Variants in EFNA5 observed in about 807,000 individuals in gnomAD.
EFNA5 encodes ephrin A5, also known as ephrin-A5.
EFNA5 carries 5 observed loss-of-function variants against 22.9 expected under a neutral mutation model. That is an observed-to-expected ratio of 0.22 (90% CI 0.11 to 0.46). The LOEUF (loss-of-function observed/expected upper bound fraction) is 0.46. Among genes scored for constraint, EFNA5 ranks in the 20% least tolerant of loss-of-function variants. EFNA5 has a pLI of 0.99. For missense variants in EFNA5, 237 were observed against 293.3 expected (o/e 0.81, Z 1.40); for synonymous variants, 113 against 112.2 (o/e 1.01, Z -0.04).
rs535003410 is a variant in EFNA5 at position 107,644,578 on chromosome 5, T to C, written c.125+25911A>G. Among the ~76,000 whole-genome samples the C allele has an allele frequency of 4.6e-5, 7 of 152,352 alleles. No individual in the cohort carries two copies. The South Asian group carries it at 1.2e-3, about 27-fold the overall frequency. On this transcript the variant is annotated intron_variant, in intron 1 of 4. Coordinates refer to ENST00000333274, the MANE Select transcript of EFNA5 (RefSeq NM_001962.3). ...TTTTCATGAATAACTGTTTATTTTG[T>C]CATCAAAAAATCTTTGTTAATTACC...
chr5:107,578,486 A>T (rs554772753), intron 1 of EFNA5, among the ~76,000 whole-genome samples: 43 of 152,204 alleles, frequency 2.8e-4, no homozygotes, highest in Non-Finnish European at 5.3e-4. Flanking sequence ...TAATCAGTAG[A>T]GGAAAAAAAG....
At chr5:107,648,015 T>C (rs1750661107) in intron 1 of EFNA5, among the ~76,000 whole-genome samples, 1 of 152,210 alleles carries the variant, frequency 6.6e-6, no homozygotes. Context: ...TCTATTTCTA[T>C]ACTTACCATC....
intron 1 of EFNA5, among the ~76,000 whole-genome samples, chr5:107,587,283 A>T (rs945616809): frequency 1.3e-5 from 2 of 152,124 alleles, no homozygotes; most frequent in African/African-American, 2.4e-5. Flanking sequence ...AGAAGTAGTA[A>T]AAGTGGAAGC....
intron 1 of EFNA5, among the ~76,000 whole-genome samples, chr5:107,557,268 CGAGAGAGGGAAG>C (rs1748442136): frequency 1.3e-5 from 2 of 150,576 alleles, no homozygotes; most frequent in Admixed American, 6.6e-5. Context: ...TGAGAAGGGG[CGAGAGAGGGAAG>C]CCTGGAGGTC....
At chr5:107,550,452 G>A (rs1035333799) in intron 1 of EFNA5, among the ~76,000 whole-genome samples, 3 of 152,040 alleles carry the variant, frequency 2.0e-5, no homozygotes, top group South Asian at 2.1e-4. Flanking sequence ...ATGATTATGC[G>A]CTTACCACCT....
chr5:107,477,648 G>A (rs1750348479), intron 1 of EFNA5, among the ~76,000 whole-genome samples: 1 of 152,022 alleles, frequency 6.6e-6, no homozygotes, highest in South Asian at 2.1e-4. Flanking sequence ...TAATAACTAA[G>A]CCACAGGTGA....
At chr5:107,460,515 T>C (rs1004373413) in intron 1 of EFNA5, among the ~76,000 whole-genome samples, 3 of 152,192 alleles carry the variant, frequency 2.0e-5, no homozygotes, top group African/African-American at 7.2e-5. Context: ...GTGTAGCTGA[T>C]TTATCGAAAA....
At chr5:107,551,211 G>C (rs754648992) in intron 1 of EFNA5, among the ~76,000 whole-genome samples, 2 of 152,174 alleles carry the variant, frequency 1.3e-5, no homozygotes, top group Non-Finnish European at 2.9e-5. Context: ...TCACACAGCA[G>C]TAGGTGCAGA....
chr5:107,669,913 C>T (rs192898056), intron 1 of EFNA5, among the ~76,000 whole-genome samples: 12 of 152,102 alleles, frequency 7.9e-5, no homozygotes, highest in South Asian at 6.2e-4. Flanking sequence ...GAATGATTTC[C>T]TCGCAGTTGA....
At chr5:107,558,434 C>G (rs906386759) in intron 1 of EFNA5, among the ~76,000 whole-genome samples, 1 of 152,072 alleles carries the variant, frequency 6.6e-6, no homozygotes, top group Non-Finnish European at 1.5e-5. Flanking sequence ...CCTAGTCTAG[C>G]AAAGTAGAAA....
intron 1 of EFNA5, among the ~76,000 whole-genome samples, chr5:107,660,170 A>C (rs367564050): frequency 1.9e-4 from 28 of 149,768 alleles, no homozygotes; most frequent in African/African-American, 6.9e-4. Context: ...CTATGGAAAA[A>C]ATACACTAAT....
intron 1 of EFNA5, among the ~76,000 whole-genome samples, chr5:107,428,896 T>A (rs904951758): frequency 1.3e-5 from 2 of 152,206 alleles, no homozygotes; most frequent in Admixed American, 1.3e-4. Flanking sequence ...AAATTCCTCT[T>A]CTGCAAGGGA....
intron 1 of EFNA5, among the ~76,000 whole-genome samples, chr5:107,451,561 T>C (rs375677106): frequency 2.0e-5 from 3 of 152,270 alleles, no homozygotes; most frequent in South Asian, 2.1e-4. Context: ...TTTAGATAGA[T>C]AGACAGATAA....
intron 1 of EFNA5, among the ~76,000 whole-genome samples, chr5:107,482,826 GTCTCTGTCTCTCTCTCTCTCTC>G (rs1750512122): frequency 1.7e-4 from 11 of 65,032 alleles, no homozygotes; most frequent in East Asian, 1.2e-3. Context: ...CTCTCTCTCT[GTCTCTGTCTCTCTCTCTCTCTC>G]TCTCTCTCTC....
At chr5:107,635,771 A>C (rs1750360090) in intron 1 of EFNA5, among the ~76,000 whole-genome samples, 1 of 152,202 alleles carries the variant, frequency 6.6e-6, no homozygotes, top group Non-Finnish European at 1.5e-5. Flanking sequence ...GAGATGTATC[A>C]ATTCAGCTCT....
At chr5:107,530,896 C>T (rs1302041550) in intron 1 of EFNA5, among the ~76,000 whole-genome samples, 1 of 152,186 alleles carries the variant, frequency 6.6e-6, no homozygotes, top group Non-Finnish European at 1.5e-5. Context: ...TTACCTGGGA[C>T]ATTGCCTCTC....
chr5:107,458,045 TC>T (rs1171847370), intron 1 of EFNA5, among the ~76,000 whole-genome samples: 1 of 152,152 alleles, frequency 6.6e-6, no homozygotes, highest in East Asian at 1.9e-4. Context: ...CCCATGCTGT[TC>T]CCTCTAAACC....
chr5:107,469,677 G>T (rs115492595), intron 1 of EFNA5, among the ~76,000 whole-genome samples: 7,039 of 150,434 alleles, frequency 0.047, 247 homozygotes, highest in East Asian at 0.18. Flanking sequence ...TTTTTACCAC[G>T]CACCCAAGAG....
intron 1 of EFNA5, among the ~76,000 whole-genome samples, chr5:107,646,346 T>A (rs1179400642): frequency 6.6e-6 from 1 of 152,172 alleles, no homozygotes; most frequent in East Asian, 1.9e-4. Flanking sequence ...ACATCTTATA[T>A]ACAAAATATT....
Sources: allele counts gnomAD v4.1 joint callset (sites outside exome capture counted in the v4.1 genomes callset), GRCh38; gene constraint gnomAD v4.1.1; transcripts MANE v1.5; gene names NCBI Gene and HGNC (gene_info 2026-07-23, HGNC 2026-07-21).